Variants in CNTNAP3B observed in about 807,000 individuals in gnomAD.
CNTNAP3B encodes the protein contactin associated protein family member 3B.
Under a neutral mutation model 108.9 loss-of-function variants are expected in CNTNAP3B, and 25 were observed. The ratio of observed to expected loss-of-function variants is 0.23; its 90% CI spans 0.17 to 0.32. CNTNAP3B has a LOEUF of 0.32. CNTNAP3B is among the 10% of genes least tolerant of loss of function. CNTNAP3B has a pLI of 1.00. For synonymous variants in CNTNAP3B, 103 were observed against 473.4 expected, an observed-to-expected ratio of 0.22 and a Z score of 10.16; for missense variants, 252 against 1,210.4, an observed-to-expected ratio of 0.21 and a Z score of 11.75.
chr9:42,018,599 G>A (rs1826252941), intron 3 of CNTNAP3B, among the ~76,000 whole-genome samples: 2 of 151,400 alleles, frequency 1.3e-5, no homozygotes, highest in South Asian at 4.2e-4. Context: ...TGGGACCTGG[G>A]GCTGCCACAG....
At chr9:41,915,999 T>A (rs1364869418) in intron 18 of CNTNAP3B, among the ~76,000 whole-genome samples, 1 of 151,672 alleles carries the variant, frequency 6.6e-6, no homozygotes, top group Admixed American at 6.6e-5. Context: ...TCTACATAGC[T>A]CTATTTCTTC....
At chr9:41,990,054 G>A (rs1300043791) in intron 8 of CNTNAP3B, among the ~76,000 whole-genome samples, 1 of 131,908 alleles carries the variant, frequency 7.6e-6, no homozygotes, top group East Asian at 2.5e-4. Context: ...TATCTGCCTG[G>A]CTATATAAAT....
At chr9:42,109,030 G>A (rs1828137144) in intron 1 of CNTNAP3B, among the ~76,000 whole-genome samples, 1 of 138,766 alleles carries the variant, frequency 7.2e-6, no homozygotes, top group African/African-American at 2.9e-5. Flanking sequence ...ATCAATTTGA[G>A]GAATTGCCCT....
intron 14 of CNTNAP3B, among the ~76,000 whole-genome samples, chr9:41,936,444 C>CAGGA (rs1824158933): frequency 1.3e-5 from 2 of 152,240 alleles, no homozygotes; most frequent in African/African-American, 4.8e-5. Flanking sequence ...TCTGAACAGC[C>CAGGA]AGGAGCTGGA....
chr9:42,125,128 T>C (rs1384426771), intron 1 of CNTNAP3B, among the ~76,000 whole-genome samples: 2 of 135,730 alleles, frequency 1.5e-5, no homozygotes, highest in East Asian at 2.2e-4. Context: ...AACCATAATA[T>C]GATCATCACA....
chr9:42,108,012 T>G (rs1828116172), intron 1 of CNTNAP3B, among the ~76,000 whole-genome samples: 1 of 135,882 alleles, frequency 7.4e-6, no homozygotes, highest in African/African-American at 2.9e-5. Flanking sequence ...GCACTAAATT[T>G]TATAAAATAA....
rs1248257939 is a variant in CNTNAP3B at position 42,036,392 on chromosome 9, A to G, written c.391-22867T>C. Among the ~76,000 whole-genome samples the G allele has an allele frequency of 2.9e-5, 4 of 140,094 alleles. 1 individual carries two copies. Among genetic ancestry groups the G allele is most frequent in the African/African-American group, 8.5e-5 (3 of 35,428 alleles). 91.9% of individuals were successfully genotyped at this position (140,094 alleles called of 152,430 possible). On this transcript the variant is annotated intron_variant, in intron 3 of 23. Coordinates refer to ENST00000377561, the MANE Select transcript of CNTNAP3B (RefSeq NM_001201380.3). ...TTTTGCACAGTGCACGTTTTCTCCA[A>G]CTTCTTTTTTCACTTAAATGATATA...
rs571471066 is a variant in CNTNAP3B, at chr9:41,979,066, C to T, written c.1477+7102G>A. Reference sequence around the variant, plus strand: ...GTCAGGGAGGAACCCAGTAAACAGCCCTGGCCTTGCAGGTGTAACAGTCTA... The same window carrying T: ...GTCAGGGAGGAACCCAGTAAACAGCTCTGGCCTTGCAGGTGTAACAGTCTA... On this transcript the variant is annotated intron_variant, in intron 9 of 23. Transcript: ENST00000377561. Among the ~76,000 whole-genome samples the T allele has an allele frequency of 7.3e-5, 10 of 137,636 alleles. 2 individuals are homozygous for T. The highest frequency in any genetic ancestry group is 4.8e-4 in the South Asian group (2 of 4,196). 90.3% of individuals were successfully genotyped at this position (137,636 alleles called of 152,430 possible).
intron 13 of CNTNAP3B, among the ~76,000 whole-genome samples, chr9:41,939,585 G>C (rs571256669): frequency 1.1e-4 from 17 of 152,380 alleles, no homozygotes; most frequent in African/African-American, 4.1e-4. Context: ...TGTGCTAAAA[G>C]CTTGTCACTA....
At chr9:42,107,985 A>AAAAG (rs1162964226) in intron 1 of CNTNAP3B, among the ~76,000 whole-genome samples, 1 of 134,220 alleles carries the variant, frequency 7.5e-6, no homozygotes, top group Non-Finnish European at 1.6e-5. Flanking sequence ...AAAAAAAAAA[A>AAAAG]AAAGAAAGAA....
intron 10 of CNTNAP3B, among the ~76,000 whole-genome samples, chr9:41,968,921 C>T (rs562424611): frequency 4.6e-5 from 7 of 152,246 alleles, no homozygotes; most frequent in East Asian, 1.9e-4. Flanking sequence ...CTCAGCCTGC[C>T]GAGTAGCTGG....
intron 10 of CNTNAP3B, among the ~76,000 whole-genome samples, chr9:41,968,325 C>T (rs1267498982): frequency 2.8e-5 from 4 of 141,128 alleles, no homozygotes; most frequent in African/African-American, 8.4e-5. Flanking sequence ...GAGATGAGCT[C>T]CCTGGCTAGT....
At chr9:42,113,446 AT>A (rs1828238263) in intron 1 of CNTNAP3B, among the ~76,000 whole-genome samples, 2 of 140,054 alleles carry the variant, frequency 1.4e-5, no homozygotes, top group South Asian at 4.6e-4. Flanking sequence ...AGACGAACCT[AT>A]TTTTTTGAGA....
In CNTNAP3B at chr9:41,967,562, CAAAG is replaced by C. The variant is rs1180651652; in HGVS notation, c.1649+2508_1649+2511del. Among the ~76,000 whole-genome samples, 25 of 152,380 alleles carry C rather than the reference CAAAG, an allele frequency of 1.6e-4. No individual in the cohort carries two copies. The East Asian group carries it at 4.6e-3, about 28-fold the overall frequency. On this transcript the variant is annotated intron_variant, in intron 10 of 23. Transcript: ENST00000377561. ...TTGTTTGTTTGTTTGTTAACAACAA[CAAAG>C]AAAGGCTGATAGATGCTTACAGGCC...
At chr9:41,917,210 A>C (rs957714019) in intron 18 of CNTNAP3B, among the ~76,000 whole-genome samples, 1 of 151,388 alleles carries the variant, frequency 6.6e-6, no homozygotes, top group African/African-American at 2.4e-5. Flanking sequence ...TGATCTGTTT[A>C]TTTTTTTCAT....
chr9:41,990,471 G>A (rs1375841065), intron 8 of CNTNAP3B, among the ~76,000 whole-genome samples: 2 of 132,000 alleles, frequency 1.5e-5, no homozygotes, highest in Non-Finnish European at 3.2e-5. Context: ...TGTTCCAGAA[G>A]TACTGAGATA....
chr9:42,029,470 C>A, intron 3 of CNTNAP3B, among the ~76,000 whole-genome samples: 1 of 121,324 alleles, frequency 8.2e-6, no homozygotes. Context: ...AGTCAGATAA[C>A]CCTTGTTGAC....
At chr9:42,112,040 G>T (rs1428376709) in intron 1 of CNTNAP3B, among the ~76,000 whole-genome samples, 1 of 139,084 alleles carries the variant, frequency 7.2e-6, no homozygotes, top group Non-Finnish European at 1.5e-5. Context: ...TCCATCACCT[G>T]TTCCCCGTTA....
intron 1 of CNTNAP3B, among the ~76,000 whole-genome samples, chr9:42,121,795 C>G (rs1828469187): frequency 7.1e-6 from 1 of 140,154 alleles, no homozygotes; most frequent in African/African-American, 2.8e-5. Context: ...AAGAAGATGA[C>G]CATTGCACAG....
Sources: allele counts gnomAD v4.1 joint callset (sites outside exome capture counted in the v4.1 genomes callset), GRCh38; gene constraint gnomAD v4.1.1; transcripts MANE v1.5; gene names NCBI Gene and HGNC (gene_info 2026-07-23, HGNC 2026-07-21).